Variants in HNMT observed in about 807,000 individuals in gnomAD.
HNMT encodes histamine N-methyltransferase.
In HNMT, 30 loss-of-function variants were observed where a neutral mutation model predicts 32.1. The observed-to-expected ratio is 0.93, with a 90% CI of 0.70 to 1.27. The LOEUF (loss-of-function observed/expected upper bound fraction) is 1.27, where lower values mean the gene tolerates loss of function less well. Ranked by LOEUF, HNMT falls within the 50% of genes most tolerant of loss-of-function variation. The pLI is 0.00. For missense variants in HNMT, 327 were observed against 346.0 expected, an observed-to-expected ratio of 0.95 and a Z score of 0.43; for synonymous variants, 125 against 119.0, an observed-to-expected ratio of 1.05 and a Z score of -0.33.
chr2:138,004,018 T>A (rs1057241715), intron 4 of HNMT, among the ~76,000 whole-genome samples: 1 of 152,138 alleles, frequency 6.6e-6, no homozygotes, highest in African/African-American at 2.4e-5. Context: ...TGCCCCATTT[T>A]TCTGTGCAGC....
At chr2:138,013,448 C>T (rs1327141499) in intron 5 of HNMT, among the ~76,000 whole-genome samples, 2 of 152,090 alleles carry the variant, frequency 1.3e-5, no homozygotes, top group Non-Finnish European at 2.9e-5. Flanking sequence ...CTCCTGGAGT[C>T]ATCTTCCCCC....
chr2:138,005,335 G>T (rs1171700840), intron 5 of HNMT, 110 bp downstream of exon 5: 3 of 697,618 alleles, frequency 4.3e-6, no homozygotes, highest in African/African-American at 3.6e-5. Context: ...TGAAATTCTT[G>T]CCTTGGCCTC....
chr2:138,001,781 A>T (rs571967271), intron 3 of HNMT, among the ~76,000 whole-genome samples: 1 of 152,112 alleles, frequency 6.6e-6, no homozygotes. Flanking sequence ...TCCATTGATA[A>T]AATTCACCAG....
At chr2:137,988,194 C>T (rs1680707800) in intron 2 of HNMT, among the ~76,000 whole-genome samples, 2 of 152,150 alleles carry the variant, frequency 1.3e-5, no homozygotes, top group East Asian at 3.9e-4. Context: ...ATTTTATAGT[C>T]ACTAGAAGAT....
rs550279247 is a variant in HNMT, at chr2:137,977,061, T to C, written c.190+6844T>C. ...ATTGCAGATTAAATGACTGTATACT[T>C]ACAAAAGCAAATAAACTTAGTTCTA... On this transcript the variant is annotated intron_variant, in intron 2 of 5. Coordinates refer to ENST00000280097, the MANE Select transcript of HNMT (RefSeq NM_006895.3). Among the ~76,000 whole-genome samples the C allele has an allele frequency of 5.3e-5, 8 of 152,320 alleles. No homozygotes were observed. In the South Asian group the frequency reaches 8.3e-4, roughly 16 times the overall value.
At chr2:137,993,703 T>C (rs759563842) in intron 2 of HNMT, among the ~76,000 whole-genome samples, 10 of 151,898 alleles carry the variant, frequency 6.6e-5, no homozygotes, top group Non-Finnish European at 1.0e-4. Flanking sequence ...CACAAGAAAT[T>C]CAACCCCAAG....
At chr2:137,979,421 T>C (rs1463335793) in intron 2 of HNMT, among the ~76,000 whole-genome samples, 1 of 151,930 alleles carries the variant, frequency 6.6e-6, no homozygotes, top group Non-Finnish European at 1.5e-5. Flanking sequence ...CAGGCGCCCA[T>C]CACCACGTTT....
chr2:137,991,196 C>T (rs927187987), intron 2 of HNMT, among the ~76,000 whole-genome samples: 4 of 152,180 alleles, frequency 2.6e-5, no homozygotes, highest in African/African-American at 9.7e-5. Context: ...ATGCCACCTG[C>T]CAGGATCCTA....
At chr2:137,970,913 A>C (rs1173913848) in intron 2 of HNMT, among the ~76,000 whole-genome samples, 27 of 87,820 alleles carry the variant, frequency 3.1e-4, no homozygotes, top group Admixed American at 2.3e-3. Flanking sequence ...GAGCGAGACT[A>C]CGTCTCAAAA....
intron 1 of HNMT, among the ~76,000 whole-genome samples, chr2:137,969,955 T>C (rs1680072503): frequency 1.3e-5 from 2 of 152,218 alleles, no homozygotes; most frequent in African/African-American, 4.8e-5. Context: ...CATTTCCAAG[T>C]CTCCCAGTTA....
At chr2:137,998,471 T>C (rs948312490) in intron 2 of HNMT, among the ~76,000 whole-genome samples, 2 of 152,200 alleles carry the variant, frequency 1.3e-5, no homozygotes, top group Admixed American at 6.5e-5. Flanking sequence ...ATGGTCACCC[T>C]ACTTATGAGG....
At position 137,964,648 on chromosome 2, in the gene HNMT, T is replaced by C; in HGVS notation, c.137+20T>C. ...AGGAAGGTAACAAAAGGGACGTTGT[T>C]GTCAAAGGGACAAGCCTCAGACTGG... On this transcript the variant is annotated intron_variant, in intron 1 of 5. Transcript: ENST00000280097. 1.9e-6 allele frequency: 3 copies of C among 1,613,274 alleles called. No homozygotes were observed. Among genetic ancestry groups the C allele is most frequent in the Non-Finnish European group, 2.5e-6 (3 of 1,179,380 alleles).
chr2:137,994,732 A>G (rs982389717), intron 2 of HNMT, among the ~76,000 whole-genome samples: 1 of 152,234 alleles, frequency 6.6e-6, no homozygotes, highest in Non-Finnish European at 1.5e-5. Context: ...TCGCAATGCC[A>G]CTTGGCACTT....
intron 2 of HNMT, among the ~76,000 whole-genome samples, chr2:137,980,330 C>T (rs1680452285): frequency 6.6e-6 from 1 of 152,188 alleles, no homozygotes; most frequent in Admixed American, 6.5e-5. Flanking sequence ...AGCCACCATG[C>T]CCGGTCCTGT....
rs138271797 is a variant in HNMT at position 137,999,075 on chromosome 2, T to C, written c.191-1843T>C. Among the ~76,000 whole-genome samples, 930 of 152,296 alleles carry C rather than the reference T, an allele frequency of 6.1e-3. 11 individuals carry two copies. The highest frequency in any genetic ancestry group is 0.021 in the African/African-American group (865 of 41,568). On this transcript the variant is annotated intron_variant, in intron 2 of 5. Transcript: ENST00000280097. ...CATTTGTGATCTTTCTACTTCTTAG[T>C]TGAATGAGTTAGAAGAATAAACATT...
At position 138,014,112 on chromosome 2, in the gene HNMT, C is replaced by T; in HGVS notation, c.861C>T (p.Phe287=). 1 of 1,580,438 alleles carries T rather than the reference C, an allele frequency of 6.3e-7. No individual in the cohort carries two copies. Among genetic ancestry groups the T allele is most frequent in the Non-Finnish European group, 8.6e-7 (1 of 1,158,460 alleles). ...TTCTTTTTAATAATACTCTGAGTTT[C>T]ATAGTGATTGAGGCATAACTATCAA... The part of the protein sequence containing the change: ...GKVLFNNTLS[F]IVIEA Residue 287 remains phenylalanine (F), a synonymous_variant, in exon 6 of 6, where the codon TTC becomes TTT. Coordinates refer to ENST00000280097, the MANE Select transcript of HNMT (RefSeq NM_006895.3).
Position 137,964,549 on chromosome 2 carries a change from C to A in HNMT, c.58C>A (p.Arg20=). 3 of 1,613,554 alleles carry A rather than the reference C, an allele frequency of 1.9e-6. No individual in the cohort carries two copies. In the South Asian group the frequency reaches 3.3e-5, roughly 18 times the overall value. The change falls in exon 1 of 6, where the codon CGG becomes AGG. Residue 20 remains arginine (R), a synonymous_variant. Coordinates refer to ENST00000280097, the MANE Select transcript of HNMT (RefSeq NM_006895.3). ...CCACGGGAAATATGTTGAATCTTTC[C>A]GGAGGTTTCTCAACCATTCCACGGA... The part of the protein sequence containing the change: ...SDHGKYVESF[R]RFLNHSTEHQ...
intron 2 of HNMT, among the ~76,000 whole-genome samples, chr2:137,998,340 T>A (rs1001471789): frequency 6.6e-6 from 1 of 152,054 alleles, no homozygotes; most frequent in Non-Finnish European, 1.5e-5. Flanking sequence ...AAAAACTACT[T>A]CCAAAACTAA....
At chr2:138,002,502 C>T (rs772557503) in intron 4 of HNMT, 4 of 373,388 alleles carry the variant, frequency 1.1e-5, no homozygotes, top group East Asian at 3.0e-4. Context: ...GGCTGGAGTG[C>T]GGTGGCATGA....
Sources: allele counts gnomAD v4.1 joint callset (sites outside exome capture counted in the v4.1 genomes callset), GRCh38; gene constraint gnomAD v4.1.1; transcripts MANE v1.5; gene names NCBI Gene and HGNC (gene_info 2026-07-23, HGNC 2026-07-21).